The following CCDC194 variants were observed in gnomAD, a reference collection of about 807,000 sequenced individuals.
CCDC194 encodes the protein coiled-coil domain-containing protein 194.
CCDC194 carries 8 observed loss-of-function variants against 4.9 expected under a neutral mutation model. The observed-to-expected ratio is 1.65, with a 90% confidence interval of 0.97 to 2.97. CCDC194 has a LOEUF of 2.97. Among genes scored for constraint, CCDC194 ranks in the 30% most tolerant of loss-of-function variants. The pLI is 0.00. For synonymous variants in CCDC194, 13 were observed against 17.0 expected (o/e 0.76, Z 0.58); for missense variants, 52 against 43.1 (o/e 1.21, Z -0.58).
downstream of CCDC194, among the ~76,000 whole-genome samples, chr19:17,387,733 A>G (rs1335889808): frequency 1.3e-5 from 2 of 152,030 alleles, no homozygotes; most frequent in Non-Finnish European, 2.9e-5. Context: ...AGAAAAAAAA[A>G]GAAAGAAAGA....
intron 2 of CCDC194, 34 bp downstream of exon 2, chr19:17,391,716 C>A (rs2074655289): frequency 2.0e-6 from 3 of 1,535,610 alleles, no homozygotes; most frequent in Admixed American, 2.0e-5. Flanking sequence ...CCTCCCACTT[C>A]TATCCCTGCC....
chr19:17,387,629 A>G (rs927389967), downstream of CCDC194, among the ~76,000 whole-genome samples: 2 of 152,098 alleles, frequency 1.3e-5, no homozygotes, highest in Non-Finnish European at 2.9e-5. Flanking sequence ...GAGGCAAGAG[A>G]ATCGTTTGAA....
chr19:17,390,607 G>T lies in CCDC194; in HGVS notation c.607C>A (p.Pro203Thr). The stretch of plus-strand genomic sequence containing the variant: ...GGCCGGGGTCGGGACCCCGAGCGGG[G>T]ACGCGGCCGGGGCACTCTGCGCTGT... Residue 203 changes from proline (P) to threonine (T), a missense_variant, in exon 4 of 4, where the codon CCC becomes ACC. Physicochemically the swap from Pro to Thr is conservative, Grantham distance 38 (BLOSUM62 -1). Coordinates refer to ENST00000636079, the Ensembl canonical transcript of CCDC194. This position sits in a 1 kb window ranked among gnomAD's most constrained non-coding sequence, Gnocchi z 5.5. 2 of 397,918 alleles carry T rather than the reference G, an allele frequency of 5.0e-6. No individual in the cohort carries two copies. The highest frequency in any genetic ancestry group is 8.9e-6 in the Non-Finnish European group (2 of 225,586). 24.6% of individuals were successfully genotyped at this position (397,918 alleles called of 1,614,324 possible).
At chr19:17,387,616 G>A (rs980184014), downstream of CCDC194, among the ~76,000 whole-genome samples, 1 of 152,016 alleles carries the variant, frequency 6.6e-6, no homozygotes, top group South Asian at 2.1e-4. Flanking sequence ...GTTACTCGAG[G>A]CTGAGGCAAG....
chr19:17,393,663 G>A (rs2074663436), intron 1 of CCDC194, among the ~76,000 whole-genome samples, 172 bp downstream of exon 1: 1 of 152,094 alleles, frequency 6.6e-6, no homozygotes, highest in African/African-American at 2.4e-5. Flanking sequence ...ACTCCATGGT[G>A]AGCTGACATC....
chr19:17,391,907 C>G, intron 1 of CCDC194, 61 bp from the exon 2 acceptor site: 1 of 1,422,822 alleles, frequency 7.0e-7, no homozygotes, highest in Non-Finnish European at 9.2e-7. Context: ...GTGATTCGGC[C>G]TGGCCCTTTT....
In CCDC194 at chr19:17,391,866, TGGGAG is replaced by T; in HGVS notation, c.325-25_325-21del. ...CCGGCTCTGAGGAGTGGAGGGGAAGTGGGAGGGGGTGTAGGCAGAGGAGAGGAGGA... is the reference window on the plus strand; with the variant it reads ...CCGGCTCTGAGGAGTGGAGGGGAAGTGGGGTGTAGGCAGAGGAGAGGAGGA... On this transcript the variant is annotated intron_variant, in intron 1 of 3. Transcript: ENST00000636079. The T allele has an allele frequency of 6.7e-6, 10 of 1,491,910 alleles. No homozygotes were observed. Among genetic ancestry groups the T allele is most frequent in the Non-Finnish European group, 8.9e-6 (10 of 1,125,760 alleles). The allele number at this position is 1,491,910 out of a possible 1,614,324, so 92.4% of individuals were successfully genotyped here. A position where few individuals can be genotyped will look rare whatever the true frequency, so the allele number is the denominator to read the frequency against.
In CCDC194 at chr19:17,390,586, G is replaced by C; in HGVS notation, c.628C>G (p.Arg210Gly). Residue 210 changes from arginine to glycine, a missense_variant, in exon 4 of 4, where the codon CGG becomes GGG. By Grantham distance (125) the Arg-to-Gly change is moderately radical (BLOSUM62 -2). Transcript: ENST00000636079. This position sits in a 1 kb window ranked among gnomAD's most constrained non-coding sequence, Gnocchi z 5.5. ...CGAGAGCGCGAGCGAGGGCTGGGCC[G>C]GGGTCGGGACCCCGAGCGGGGACGC... The C allele has an allele frequency of 2.5e-6, 1 of 397,746 alleles. No individual in the cohort carries two copies. The highest frequency in any genetic ancestry group is 2.1e-5 in the African/African-American group (1 of 48,686). The allele number at this position is 397,746 out of a possible 1,614,324, so 24.6% of individuals were successfully genotyped here.
At chr19:17,393,453 G>A (rs4808080) in intron 1 of CCDC194, among the ~76,000 whole-genome samples, 104,977 of 147,396 alleles carry the variant, frequency 0.71, 40,390 homozygotes, top group Non-Finnish European at 0.88. Flanking sequence ...CAGTGGCGCG[G>A]TCTCAGCTCA....
downstream of CCDC194, among the ~76,000 whole-genome samples, chr19:17,388,369 T>C (rs2074643157): frequency 1.3e-5 from 2 of 151,738 alleles, no homozygotes; most frequent in Non-Finnish European, 2.9e-5. Context: ...CTGGCTACTT[T>C]CTTCTCTTTC....
chr19:17,391,334 G>GA lies in CCDC194; in HGVS notation c.430_431insT (p.Ala144ValfsTer43). 2.3e-6 allele frequency: 1 copy of GA among 436,096 alleles called. No individual in the cohort carries two copies. Among genetic ancestry groups the GA allele is most frequent in the Non-Finnish European group, 4.0e-6 (1 of 249,786 alleles). The allele number at this position is 436,096 out of a possible 1,614,324, so 27.0% of individuals were successfully genotyped here. The stretch of plus-strand genomic sequence containing the variant: ...CTCCGTGGCCGCCGCCTCCCAGCGC[G>GA]CCAGGGCCTCTGGGGGCGCAGGGAG... On this transcript the variant is annotated frameshift_variant, in exon 3 of 4. Coordinates refer to ENST00000636079, the Ensembl canonical transcript of CCDC194. LOFTEE classifies it high-confidence loss of function.
intron 2 of CCDC194, 161 bp downstream of exon 2, chr19:17,391,589 T>C: frequency 1.3e-6 from 2 of 1,484,566 alleles, no homozygotes; most frequent in Non-Finnish European, 8.9e-7. Flanking sequence ...TTTGTGACAT[T>C]TGCATGGCCT....
chr19:17,391,255 C>G, exon 3 of CCDC194: 1 of 407,958 alleles, frequency 2.5e-6, no homozygotes, highest in Non-Finnish European at 4.3e-6. Context: ...AGGCTTCGCC[C>G]TCGGCCTCCG....
intron 1 of CCDC194, among the ~76,000 whole-genome samples, chr19:17,393,005 A>T (rs1261695042): frequency 2.0e-5 from 3 of 152,082 alleles, no homozygotes; most frequent in African/African-American, 7.2e-5. Context: ...TAATATTCAG[A>T]TGCTGCACTA....
At chr19:17,392,700 C>A (rs1282495365) in intron 1 of CCDC194, among the ~76,000 whole-genome samples, 4 of 152,062 alleles carry the variant, frequency 2.6e-5, no homozygotes, top group African/African-American at 7.2e-5. Context: ...GTCCAGGGGG[C>A]AGAAAAGGGG....
At chr19:17,387,272 T>G (rs2074639248), downstream of CCDC194, among the ~76,000 whole-genome samples, 1 of 152,124 alleles carries the variant, frequency 6.6e-6, no homozygotes, top group South Asian at 2.1e-4. Flanking sequence ...AATGCAATTT[T>G]TACAAAAGGT....
exon 2 of CCDC194, chr19:17,391,779 T>G: frequency 6.5e-7 from 1 of 1,535,712 alleles, no homozygotes; most frequent in Non-Finnish European, 8.7e-7. Flanking sequence ...GGCCCCCATC[T>G]GGGTCCCCTG....
Position 17,391,346 on chromosome 19 carries a change from G to A in CCDC194, c.422-3C>T, listed in dbSNP as rs1385891864. 8.9e-6 allele frequency: 4 copies of A among 447,596 alleles called. No individual in the cohort carries two copies. The highest frequency in any genetic ancestry group is 7.1e-5 in the East Asian group (2 of 28,196). 27.7% of individuals were successfully genotyped at this position (447,596 alleles called of 1,614,324 possible). A position where few individuals can be genotyped will look rare whatever the true frequency, so the allele number is the denominator to read the frequency against. On this transcript the variant is annotated splice_region_variant and splice_polypyrimidine_tract_variant and intron_variant, in intron 2 of 3. Transcript: ENST00000636079. ...CGCCTCCCAGCGCGCCAGGGCCTCT[G>A]GGGGCGCAGGGAGCCGGGTCAGGCT...
At chr19:17,392,722 T>G (rs191787067) in intron 1 of CCDC194, among the ~76,000 whole-genome samples, 126 of 151,320 alleles carry the variant, frequency 8.3e-4, no homozygotes, top group Admixed American at 1.8e-3. Context: ...AGGGGTTTAT[T>G]TGGATTTATT....
Sources: gnomAD v4.1 joint callset for allele counts (sites outside exome capture counted in the v4.1 genomes callset) on GRCh38, gnomAD v4.1.1 for gene constraint, Gnocchi (gnomAD v3.1) non-coding constraint, MANE v1.5 for transcripts, NCBI Gene and HGNC (gene_info 2026-07-23, HGNC 2026-07-21) for gene names.